The following RNF169 variants were observed in gnomAD, a reference collection of about 807,000 sequenced individuals.
The protein encoded by RNF169 is ring finger protein 169.
A neutral mutation model predicts 53.9 loss-of-function variants in RNF169; 24 were observed. The observed-to-expected ratio is 0.45, with a 90% CI of 0.32 to 0.63. The LOEUF is 0.63. RNF169 is among the 20% of genes least tolerant of loss of function. The pLI is 0.04. For missense variants in RNF169, 883 were observed against 906.2 expected, an observed-to-expected ratio of 0.97 and a Z score of 0.33; for synonymous variants, 396 against 363.5, an observed-to-expected ratio of 1.09 and a Z score of -1.02.
intron 4 of RNF169, among the ~76,000 whole-genome samples, chr11:74,820,540 AG>A (rs2035995412): frequency 1.3e-5 from 2 of 152,212 alleles, no homozygotes; most frequent in East Asian, 1.9e-4. Flanking sequence ...CAGTGGCTTG[AG>A]GGAGAGGAGA....
Position 74,795,347 on chromosome 11 carries a change from G to A in RNF169, c.576+5648G>A, listed in dbSNP as rs560986643. On this transcript the variant is annotated intron_variant, in intron 2 of 5. Coordinates refer to ENST00000299563, the MANE Select transcript of RNF169 (RefSeq NM_001098638.2). ...TGATCCTCCCACCTTAGCCTCCCAA[G>A]TAGCTGAGATTACAGGCACATGCCA... is the stretch of plus-strand genomic sequence containing the variant. Among the ~76,000 whole-genome samples the A allele has an allele frequency of 8.6e-4, 130 of 151,204 alleles. 1 individual carries two copies. In the South Asian group the frequency reaches 0.02, roughly 24 times the overall value.
chr11:74,764,617 C>G (rs1420170080), intron 1 of RNF169, among the ~76,000 whole-genome samples: 1 of 152,114 alleles, frequency 6.6e-6, no homozygotes, highest in Non-Finnish European at 1.5e-5. Flanking sequence ...AAACCTAAAG[C>G]ATATAGTGCA....
chr11:74,749,538 T>C (rs535354316), intron 1 of RNF169, among the ~76,000 whole-genome samples, 156 bp downstream of exon 1: 13 of 152,224 alleles, frequency 8.5e-5, no homozygotes, highest in Non-Finnish European at 1.9e-4. Flanking sequence ...GCAGTGTGTT[T>C]GTGAATTTTG....
At chr11:74,753,540 TTCA>T (rs1436609411) in intron 1 of RNF169, among the ~76,000 whole-genome samples, 8 of 152,174 alleles carry the variant, frequency 5.3e-5, no homozygotes, top group Non-Finnish European at 1.2e-4. Flanking sequence ...TGCCATAACT[TTCA>T]ATGGCAAAAA....
At chr11:74,760,102 G>A (rs1283993009) in intron 1 of RNF169, among the ~76,000 whole-genome samples, 1 of 151,534 alleles carries the variant, frequency 6.6e-6, no homozygotes, top group Non-Finnish European at 1.5e-5. Context: ...TTGTGTAGAG[G>A]TGTTTGTAGT....
intron 1 of RNF169, among the ~76,000 whole-genome samples, chr11:74,750,585 C>T (rs2034872324): frequency 7.8e-6 from 1 of 128,952 alleles, no homozygotes. Context: ...TCACTCCCCT[C>T]ACCTTTTTTT....
At chr11:74,799,517 T>C (rs1044668179) in intron 2 of RNF169, among the ~76,000 whole-genome samples, 18 of 152,208 alleles carry the variant, frequency 1.2e-4, no homozygotes, top group African/African-American at 4.3e-4. Context: ...TGCAGTGTGC[T>C]GTTTTTCCTC....
chr11:74,758,421 G>A (rs1366669151), intron 1 of RNF169, among the ~76,000 whole-genome samples: 1 of 150,252 alleles, frequency 6.7e-6, no homozygotes, highest in Non-Finnish European at 1.5e-5. Flanking sequence ...ATAGTTTGAA[G>A]TCAGGTAGTG....
At chr11:74,804,927 A>T (rs1351122563) in intron 2 of RNF169, among the ~76,000 whole-genome samples, 3 of 152,254 alleles carry the variant, frequency 2.0e-5, no homozygotes, top group Admixed American at 6.5e-5. Flanking sequence ...ATACACTTTC[A>T]TGCAGTAGTA....
chr11:74,816,086 G>T (rs1248080719), intron 3 of RNF169, among the ~76,000 whole-genome samples: 1 of 152,098 alleles, frequency 6.6e-6, no homozygotes, highest in East Asian at 1.9e-4. Context: ...TCTCTCAAAG[G>T]CCAGCTGTTA....
rs1227505316 is a variant in RNF169 at position 74,841,008 on chromosome 11, C to T, written c.*4278C>T. On this transcript the variant is annotated 3_prime_UTR_variant, in exon 6 of 6. Transcript: ENST00000299563. ...TAGTTAGAGTTAAATGTACCTATAG[C>T]CCCTGAATACATGCTCAGGTAGAGA... 2.0e-5 allele frequency: 3 copies of T among 151,818 alleles called. No individual in the cohort carries two copies. The highest frequency in any genetic ancestry group is 1.9e-4 in the East Asian group (1 of 5,176). The allele number at this position is 151,818 out of a possible 1,614,324, so 9.4% of individuals were successfully genotyped here.
intron 1 of RNF169, among the ~76,000 whole-genome samples, chr11:74,755,691 GAAGA>G (rs1259317217): frequency 6.6e-6 from 1 of 152,198 alleles, no homozygotes; most frequent in African/African-American, 2.4e-5. Flanking sequence ...ATTGTATGTT[GAAGA>G]AAGAGTAGGA....
chr11:74,754,721 G>C (rs1218633598), intron 1 of RNF169, among the ~76,000 whole-genome samples: 1 of 152,218 alleles, frequency 6.6e-6, no homozygotes, highest in Non-Finnish European at 1.5e-5. Context: ...CCGGGAGGCT[G>C]AGGCAGGAGA....
intron 4 of RNF169, among the ~76,000 whole-genome samples, chr11:74,828,658 G>A (rs923690396): frequency 2.0e-5 from 3 of 152,084 alleles, no homozygotes; most frequent in Non-Finnish European, 4.4e-5. Flanking sequence ...CAGACCAATG[G>A]AACAGAATAG....
At chr11:74,815,179 G>C (rs1486261487) in intron 3 of RNF169, among the ~76,000 whole-genome samples, 1 of 152,084 alleles carries the variant, frequency 6.6e-6, no homozygotes, top group African/African-American at 2.4e-5. Context: ...TAAATATTGG[G>C]AATAGAAATG....
intron 4 of RNF169, among the ~76,000 whole-genome samples, chr11:74,823,738 GAAAAAAAAA>G (rs35164191): frequency 2.8e-4 from 30 of 105,774 alleles, no homozygotes; most frequent in Middle Eastern, 4.3e-3. Flanking sequence ...CCCTGTCTCA[GAAAAAAAAA>G]AAAAAAAAAA....
At chr11:74,790,943 G>A (rs1042301790) in intron 2 of RNF169, among the ~76,000 whole-genome samples, 4 of 152,252 alleles carry the variant, frequency 2.6e-5, no homozygotes, top group African/African-American at 9.6e-5. Flanking sequence ...AGTGAGGGAC[G>A]TGTTTCAGCC....
chr11:74,785,304 T>G (rs558956134), intron 1 of RNF169, among the ~76,000 whole-genome samples: 54 of 144,430 alleles, frequency 3.7e-4, no homozygotes, highest in East Asian at 2.2e-3. Flanking sequence ...ATATTAGAGA[T>G]ATATATATAT....
chr11:74,836,493 C>G lies in RNF169; in HGVS notation c.1890C>G (p.His630Gln). ...GGAAAAGACACTGCAAGACCAAGCA[C>G]TTAGAACAAAATGGCTCCCTTAAAA... ...RGRKRHCKTK[H>Q]LEQNGSLKKL... The change falls in exon 6 of 6, where the codon CAC (histidine) becomes CAG (glutamine). Residue 630 changes from histidine to glutamine, a missense_variant. Physicochemically the swap from His to Gln is conservative, Grantham distance 24. Coordinates refer to ENST00000299563, the MANE Select transcript of RNF169 (RefSeq NM_001098638.2). 2 of 1,614,216 alleles carry G rather than the reference C, an allele frequency of 1.2e-6. No individual in the cohort carries two copies. The highest frequency in any genetic ancestry group is 1.7e-6 in the Non-Finnish European group (2 of 1,180,036).
Sources: gnomAD v4.1 joint callset for allele counts (sites outside exome capture counted in the v4.1 genomes callset) on GRCh38, gnomAD v4.1.1 for gene constraint, MANE v1.5 for transcripts, NCBI Gene and HGNC (gene_info 2026-07-23, HGNC 2026-07-21) for gene names.